The following ACYP2 variants were observed in gnomAD, a reference collection of about 807,000 sequenced individuals.
ACYP2 encodes acylphosphatase 2.
Under a neutral mutation model 11.2 loss-of-function variants are expected in ACYP2, and 12 were observed. The observed-to-expected ratio is 1.08, with a 90% CI of 0.69 to 1.74. The LOEUF is 1.74. ACYP2 is among the 40% of genes most tolerant of loss of function. The pLI is 0.00. For synonymous variants in ACYP2, 43 were observed against 32.2 expected, an observed-to-expected ratio of 1.33 and a Z score of -1.13; for missense variants, 134 against 101.9, an observed-to-expected ratio of 1.31 and a Z score of -1.35.
chr2:54,130,542 C>T (rs138935501), intron 4 of ACYP2, among the ~76,000 whole-genome samples: 1 of 152,160 alleles, frequency 6.6e-6, no homozygotes, highest in African/African-American at 2.4e-5. Context: ...GGAGAATACA[C>T]TGTAAGGGGG....
chr2:53,990,592 C>T (rs1277029638), intron 2 of ACYP2, among the ~76,000 whole-genome samples: 2 of 142,168 alleles, frequency 1.4e-5, no homozygotes, highest in East Asian at 4.4e-4. Context: ...CAGTTTGCAG[C>T]GAGCCGAGAT....
intron 2 of ACYP2, among the ~76,000 whole-genome samples, chr2:53,990,665 A>G (rs903744465): frequency 1.3e-5 from 2 of 151,434 alleles, no homozygotes; most frequent in Non-Finnish European, 2.9e-5. Flanking sequence ...AAAAAAAAAA[A>G]AAGAAAAAAA....
chr2:54,002,826 T>C (rs567897020), intron 2 of ACYP2, among the ~76,000 whole-genome samples: 1 of 150,796 alleles, frequency 6.6e-6, no homozygotes, highest in Admixed American at 6.6e-5. Context: ...TAATTTAGTA[T>C]TTTTAGTAGA....
intron 6 of ACYP2, among the ~76,000 whole-genome samples, chr2:54,280,380 G>A (rs1344746015): frequency 6.6e-6 from 1 of 152,150 alleles, no homozygotes; most frequent in Non-Finnish European, 1.5e-5. Context: ...TGGGAAGGGG[G>A]CATGGAGGTA....
intron 2 of ACYP2, among the ~76,000 whole-genome samples, chr2:54,020,080 G>A (rs961519059): frequency 1.3e-5 from 2 of 151,904 alleles, no homozygotes; most frequent in Non-Finnish European, 1.5e-5. Context: ...AGGATTATAG[G>A]TGCCCACCAC....
At chr2:54,171,873 G>A (rs1447563557) in intron 6 of ACYP2, among the ~76,000 whole-genome samples, 1 of 152,048 alleles carries the variant, frequency 6.6e-6, no homozygotes, top group African/African-American at 2.4e-5. Flanking sequence ...TCTTTAAAAA[G>A]GTGCCGTTTT....
In ACYP2 at chr2:54,242,703, T is replaced by C. The variant is rs374400693; in HGVS notation, c.405-61985T>C. ...GTAACATGGCATACTATACACTCCA[T>C]TGCACTCCATGTGCGCCATTGCACT... is the stretch of plus-strand genomic sequence containing the variant. On this transcript the variant is annotated intron_variant, in intron 6 of 6. Transcript: ENST00000607452. 9.9e-4 allele frequency among the ~76,000 whole-genome samples: 151 copies of C among 152,308 alleles called. 4 individuals are homozygous for C. In the South Asian group the frequency reaches 0.029, roughly 29 times the overall value.
intron 6 of ACYP2, among the ~76,000 whole-genome samples, chr2:54,160,612 C>G (rs979162245): frequency 7.2e-5 from 11 of 152,178 alleles, no homozygotes; most frequent in African/African-American, 2.7e-4. Flanking sequence ...GAATAAGGAC[C>G]TTTCAGGAGA....
At chr2:54,129,748 C>T (rs1365098363) in intron 4 of ACYP2, among the ~76,000 whole-genome samples, 1 of 149,366 alleles carries the variant, frequency 6.7e-6, no homozygotes, top group Non-Finnish European at 1.5e-5. Context: ...GAGATTCTTT[C>T]CAGAACTTTG....
At chr2:54,000,443 A>C (rs1370756610) in intron 2 of ACYP2, among the ~76,000 whole-genome samples, 2 of 152,218 alleles carry the variant, frequency 1.3e-5, no homozygotes, top group East Asian at 3.8e-4. Flanking sequence ...AAGACGTTAA[A>C]TTTGGCACTT....
intron 2 of ACYP2, among the ~76,000 whole-genome samples, chr2:54,034,366 C>A (rs1434943135): frequency 6.6e-6 from 1 of 152,034 alleles, no homozygotes; most frequent in African/African-American, 2.4e-5. Flanking sequence ...CTCTACCCCC[C>A]AAAATAAGAC....
intron 2 of ACYP2, among the ~76,000 whole-genome samples, chr2:54,006,137 T>C (rs989699551): frequency 3.3e-5 from 5 of 152,046 alleles, no homozygotes; most frequent in African/African-American, 1.2e-4. Flanking sequence ...GTATGCACCA[T>C]GTCCAGCTAA....
intron 6 of ACYP2, among the ~76,000 whole-genome samples, chr2:54,279,126 G>T (rs1169726688): frequency 6.6e-6 from 1 of 152,230 alleles, no homozygotes; most frequent in African/African-American, 2.4e-5. Flanking sequence ...AGTATATCAA[G>T]AATTTAAGAA....
intron 2 of ACYP2, among the ~76,000 whole-genome samples, chr2:54,049,365 G>T (rs11683654): frequency 1.3e-5 from 2 of 151,828 alleles, no homozygotes; most frequent in Admixed American, 1.3e-4. Flanking sequence ...ACTTGCCCCT[G>T]TCAATGTGTC....
intron 6 of ACYP2, among the ~76,000 whole-genome samples, chr2:54,172,912 T>C (rs1387766882): frequency 6.6e-6 from 1 of 152,252 alleles, no homozygotes; most frequent in African/African-American, 2.4e-5. Flanking sequence ...TTCCATGGTG[T>C]ATATGTGCCA....
rs548263074 is a variant in ACYP2, at chr2:54,067,288, T to A, written c.277+9928T>A. 4.6e-5 allele frequency among the ~76,000 whole-genome samples: 7 copies of A among 152,190 alleles called. No homozygotes were observed. In the South Asian group the frequency reaches 1.4e-3, roughly 31 times the overall value. On this transcript the variant is annotated intron_variant, in intron 4 of 6. Coordinates refer to ENST00000607452, the MANE Select transcript of ACYP2 (RefSeq NM_001320586.2). ...TTTTATATTTGCTACATCTTCATAT[T>A]TTTTTCTTACCACAAAGCTGTAAAG...
chr2:53,980,873 C>T (rs1671721126), intron 2 of ACYP2, among the ~76,000 whole-genome samples: 3 of 152,110 alleles, frequency 2.0e-5, no homozygotes, highest in African/African-American at 7.2e-5. Context: ...CCACCTCAGC[C>T]TCCCGAGTAG....
intron 2 of ACYP2, among the ~76,000 whole-genome samples, chr2:54,042,771 A>G (rs1406328209): frequency 6.6e-6 from 1 of 152,182 alleles, no homozygotes; most frequent in East Asian, 1.9e-4. Context: ...AAATGTTACC[A>G]TCTGTCCTTG....
At chr2:53,986,008 C>A (rs1672018113) in intron 2 of ACYP2, among the ~76,000 whole-genome samples, 1 of 152,044 alleles carries the variant, frequency 6.6e-6, no homozygotes, top group Non-Finnish European at 1.5e-5. Context: ...TGGTGGCGTT[C>A]ACCTGTAATC....
Sources: allele counts gnomAD v4.1 joint callset (sites outside exome capture counted in the v4.1 genomes callset), GRCh38; gene constraint gnomAD v4.1.1; transcripts MANE v1.5; gene names NCBI Gene and HGNC (gene_info 2026-07-23, HGNC 2026-07-21).